Variants in HIPK1 observed in about 807,000 individuals in gnomAD.
HIPK1 encodes the protein homeodomain-interacting protein kinase 1.
In HIPK1, 28 loss-of-function variants were observed where a neutral mutation model predicts 117.1. The observed-to-expected ratio is 0.24, with a 90% CI of 0.18 to 0.33. The LOEUF is 0.33. Among genes scored for constraint, HIPK1 ranks in the 10% least tolerant of loss-of-function variants. The pLI, the probability that HIPK1 is intolerant of heterozygous loss-of-function variation, is 1.00. For missense variants in HIPK1, 1,122 were observed against 1,475.1 expected (o/e 0.76, Z 3.92); for synonymous variants, 605 against 562.5 (o/e 1.08, Z -1.07).
chr1:113,934,417 A>G (rs966936231), intron 1 of HIPK1, among the ~76,000 whole-genome samples: 4 of 152,192 alleles, frequency 2.6e-5, no homozygotes, highest in African/African-American at 7.2e-5. Context: ...TGACCATGCC[A>G]GGGAGTGGGA....
At chr1:113,943,098 G>A (rs1000875962) in intron 2 of HIPK1, among the ~76,000 whole-genome samples, 1 of 152,156 alleles carries the variant, frequency 6.6e-6, no homozygotes, top group Non-Finnish European at 1.5e-5. Context: ...GTGGTAAGAT[G>A]TTTATAATAG....
intron 1 of HIPK1, 109 bp from the exon 2 acceptor site, chr1:113,940,273 A>G: frequency 2.9e-6 from 3 of 1,018,058 alleles, no homozygotes; most frequent in Non-Finnish European, 4.4e-6. Context: ...ACATTATTAC[A>G]TCATGTTTCT....
intron 8 of HIPK1, among the ~76,000 whole-genome samples, chr1:113,959,359 C>T (rs1368054882): frequency 6.6e-6 from 1 of 152,036 alleles, no homozygotes; most frequent in African/African-American, 2.4e-5. Context: ...AGGGAGAAAC[C>T]ACAGGGAGAG....
intron 13 of HIPK1, among the ~76,000 whole-genome samples, chr1:113,968,960 C>T (rs975177255): frequency 6.6e-6 from 1 of 152,156 alleles, no homozygotes; most frequent in Non-Finnish European, 1.5e-5. Flanking sequence ...GCGGAGGTTA[C>T]AGTGAGCTGA....
rs1189742786 is a variant in HIPK1, at chr1:113,957,173, A to C, written c.1642A>C (p.Met548Leu). The C allele has an allele frequency of 6.2e-7, 1 of 1,613,128 alleles. No homozygotes were observed. The highest frequency in any genetic ancestry group is 2.2e-5 in the East Asian group (1 of 44,864). ...GGAGATCTGCAAGCGGAGGGTTCAC[A>C]TGTATGATACAGTGAGTCAGATCAA... is the stretch of plus-strand genomic sequence containing the variant. Reference protein sequence around the residue: ...NMEICKRRVHMYDTVSQIKSP... With the variant: ...NMEICKRRVHLYDTVSQIKSP... Residue 548 changes from methionine to leucine, a missense_variant, in exon 7 of 16, where the codon ATG (methionine) becomes CTG (leucine). Met to Leu is a conservative substitution (Grantham distance 15, BLOSUM62 2). This residue lies in a region of HIPK1 where 731 missense variants were observed against 860.4 expected (regional missense o/e 0.85). Transcript: ENST00000426820.
intron 2 of HIPK1, chr1:113,951,389 T>A: frequency 1.8e-6 from 1 of 547,204 alleles, no homozygotes; most frequent in South Asian, 8.0e-5. Flanking sequence ...TGCCACTTAT[T>A]TGACTGTGAC....
At chr1:113,937,716 G>GTT (rs1300642330) in intron 1 of HIPK1, among the ~76,000 whole-genome samples, 1 of 152,152 alleles carries the variant, frequency 6.6e-6, no homozygotes, top group African/African-American at 2.4e-5. Flanking sequence ...CAAGTTAACA[G>GTT]GTTGCTGTGG....
intron 1 of HIPK1, among the ~76,000 whole-genome samples, chr1:113,939,345 TG>T (rs1670492784): frequency 6.6e-6 from 1 of 150,934 alleles, no homozygotes; most frequent in Non-Finnish European, 1.5e-5. Context: ...TTTTTTTTGT[TG>T]TTGTTGTTGT....
At chr1:113,934,462 T>C (rs974418168) in intron 1 of HIPK1, among the ~76,000 whole-genome samples, 3 of 152,222 alleles carry the variant, frequency 2.0e-5, no homozygotes, top group Admixed American at 2.0e-4. Context: ...CCTTGGATTC[T>C]AGCTATTATC....
intron 1 of HIPK1, among the ~76,000 whole-genome samples, chr1:113,937,782 G>A (rs1488787347): frequency 2.6e-5 from 4 of 152,072 alleles, no homozygotes; most frequent in Admixed American, 2.6e-4. Flanking sequence ...ATGTGACAGA[G>A]GTGTCAGGGC....
Position 113,967,882 on chromosome 1 carries a change from T to C in HIPK1, c.2498T>C (p.Val833Ala). 1 of 1,611,898 alleles carries C rather than the reference T, an allele frequency of 6.2e-7. No individual in the cohort carries two copies. The highest frequency in any genetic ancestry group is 8.5e-7 in the Non-Finnish European group (1 of 1,179,522). Residue 833 changes from valine to alanine, a missense_variant, in exon 12 of 16, where the codon GTC (valine) becomes GCC (alanine). Val to Ala is a moderately conservative substitution (Grantham distance 64, BLOSUM62 0). This residue lies in a region of HIPK1 where 731 missense variants were observed against 860.4 expected (regional missense o/e 0.85). Transcript: ENST00000426820. ...QPLNVGVAHV[V>A]RQQQSSSLPS... The stretch of plus-strand genomic sequence containing the variant: ...CTGAATGTTGGTGTTGCCCATGTTG[T>C]CAGACAACAACAATCCAGTTCCCTC...
At chr1:113,967,173 A>G (rs1197645583) in intron 11 of HIPK1, among the ~76,000 whole-genome samples, 2 of 152,202 alleles carry the variant, frequency 1.3e-5, no homozygotes, top group Non-Finnish European at 2.9e-5. Flanking sequence ...TACTGTGAAC[A>G]GTGCTGCAAC....
intron 11 of HIPK1, among the ~76,000 whole-genome samples, chr1:113,967,548 CT>C (rs558566347): frequency 7.2e-4 from 110 of 152,198 alleles, no homozygotes; most frequent in African/African-American, 2.6e-3. Flanking sequence ...CTATTCAATT[CT>C]TTTGCCCATT....
intron 5 of HIPK1, among the ~76,000 whole-genome samples, chr1:113,955,987 C>T (rs940224009): frequency 6.6e-6 from 1 of 150,784 alleles, no homozygotes; most frequent in Non-Finnish European, 1.5e-5. Flanking sequence ...ACACTTCACA[C>T]TTATGTCATT....
intron 2 of HIPK1, among the ~76,000 whole-genome samples, chr1:113,944,743 G>GCCA (rs1414512282): frequency 6.6e-6 from 1 of 152,162 alleles, no homozygotes; most frequent in Admixed American, 6.5e-5. Flanking sequence ...ACAGGCATGA[G>GCCA]CCACCGGGCC....
At position 113,941,436 on chromosome 1, in the gene HIPK1, C is replaced by T; in HGVS notation, c.1053C>T (p.Thr351=). 1 of 1,613,478 alleles carries T rather than the reference C, an allele frequency of 6.2e-7. No individual in the cohort carries two copies. Among genetic ancestry groups the T allele is most frequent in the Middle Eastern group, 1.7e-4 (1 of 6,056 alleles). ...ACGTTTCCAAAGCTGTGTGCTCAAC[C>T]TACTTACAGTCACGTTACTACAGGC... is the stretch of plus-strand genomic sequence containing the variant. ...ASHVSKAVCS[T]YLQSRYYRAP... is the part of the protein sequence containing the mutation. Residue 351 remains threonine, a synonymous_variant, in exon 2 of 16, where the codon ACC becomes ACT. Transcript: ENST00000426820. This position sits in a 1 kb window ranked among gnomAD's most constrained non-coding sequence, Gnocchi z 4.9.
At chr1:113,940,158 T>G (rs1670554150) in intron 1 of HIPK1, among the ~76,000 whole-genome samples, 1 of 152,178 alleles carries the variant, frequency 6.6e-6, no homozygotes. Flanking sequence ...ATGCATTTTA[T>G]GTATGACCTG....
chr1:113,970,302 G>A, intron 14 of HIPK1, 105 bp downstream of exon 14: 1 of 1,263,152 alleles, frequency 7.9e-7, no homozygotes, highest in Non-Finnish European at 1.1e-6. Context: ...CAGTGGTGTA[G>A]ACATTCTTAA....
chr1:113,930,237 C>G (rs922233226), intron 1 of HIPK1, among the ~76,000 whole-genome samples: 1 of 152,266 alleles, frequency 6.6e-6, no homozygotes, highest in Admixed American at 6.5e-5. Flanking sequence ...AGGGGACCGC[C>G]TTGCGTCTCC....
Sources: gnomAD v4.1 joint callset for allele counts (sites outside exome capture counted in the v4.1 genomes callset) on GRCh38, gnomAD v4.1.1 for gene constraint, gnomAD v4.1.1 regional missense constraint, Gnocchi (gnomAD v3.1) non-coding constraint, MANE v1.5 for transcripts, NCBI Gene and HGNC (gene_info 2026-07-23, HGNC 2026-07-21) for gene names.